Variants in GLRA1 observed in about 807,000 individuals in gnomAD.
GLRA1 encodes glycine receptor subunit alpha-1.
In GLRA1, 37 loss-of-function variants were observed where a neutral mutation model predicts 48.3. The observed-to-expected ratio is 0.77, with a 90% CI of 0.59 to 1.01. GLRA1 has a LOEUF of 1.01. GLRA1 is among the 50% of genes least tolerant of loss of function. GLRA1 has a pLI of 0.00. For synonymous variants in GLRA1, 196 were observed against 210.7 expected (o/e 0.93, Z 0.60); for missense variants, 427 against 571.0 (o/e 0.75, Z 2.57).
chr5:151,854,384 G>A (rs1416996202), intron 6 of GLRA1, among the ~76,000 whole-genome samples: 2 of 152,076 alleles, frequency 1.3e-5, no homozygotes, highest in Admixed American at 1.3e-4. Context: ...TGTGCATCTG[G>A]GTTCAGACCC....
At chr5:151,835,672 A>T (rs1763558330) in intron 7 of GLRA1, among the ~76,000 whole-genome samples, 3 of 152,226 alleles carry the variant, frequency 2.0e-5, no homozygotes, top group African/African-American at 7.2e-5. Flanking sequence ...AAATCAATAG[A>T]CATAATCCAT....
chr5:151,845,075 A>G (rs2091422272), intron 7 of GLRA1, among the ~76,000 whole-genome samples: 1 of 152,204 alleles, frequency 6.6e-6, no homozygotes, highest in Admixed American at 6.5e-5. Flanking sequence ...TATGCAGAAC[A>G]TGCAGGTTTG....
In GLRA1 at chr5:151,824,073, G is replaced by A. The variant is rs146407205; in HGVS notation, c.1060-1110C>T. 2.8e-4 allele frequency among the ~76,000 whole-genome samples: 42 copies of A among 150,740 alleles called. No individual in the cohort carries two copies. In the East Asian group the frequency reaches 4.5e-3, roughly 16 times the overall value. ...CCGTCTTCTGCTTGTTCCTGTGCAG[G>A]ACCGGGCCAACAGAGAAAAACTCAG... is the stretch of plus-strand genomic sequence containing the variant. On this transcript the variant is annotated intron_variant, in intron 8 of 8. Transcript: ENST00000274576.
intron 7 of GLRA1, among the ~76,000 whole-genome samples, chr5:151,835,014 C>T (rs1209300312): frequency 7.5e-5 from 8 of 106,238 alleles, no homozygotes; most frequent in Admixed American, 1.5e-4. Context: ...GGCGACAGAG[C>T]GAGACAACAT....
At chr5:151,826,897 A>T (rs181946024) in intron 8 of GLRA1, among the ~76,000 whole-genome samples, 1 of 152,334 alleles carries the variant, frequency 6.6e-6, no homozygotes, top group East Asian at 1.9e-4. Flanking sequence ...CTTGGACATG[A>T]TCTTTTCAAA....
intron 3 of GLRA1, among the ~76,000 whole-genome samples, chr5:151,873,269 G>A (rs996990970): frequency 2.0e-5 from 3 of 149,420 alleles, no homozygotes; most frequent in Non-Finnish European, 4.4e-5. Flanking sequence ...GGGAGGCAGA[G>A]GTTGAGAGAG....
chr5:151,825,479 CAT>C (rs916716362), intron 8 of GLRA1, among the ~76,000 whole-genome samples: 5 of 152,052 alleles, frequency 3.3e-5, no homozygotes, highest in Non-Finnish European at 7.4e-5. Flanking sequence ...TTATCAATTT[CAT>C]ATTGTGTCTG....
intron 7 of GLRA1, among the ~76,000 whole-genome samples, chr5:151,832,319 T>G (rs1313587098): frequency 1.3e-5 from 2 of 152,116 alleles, no homozygotes; most frequent in African/African-American, 4.8e-5. Context: ...TTGACAGAAG[T>G]AGGCTTCAGA....
chr5:151,850,420 G>A, intron 7 of GLRA1: 1 of 1,202,156 alleles, frequency 8.3e-7, no homozygotes, highest in Non-Finnish European at 1.2e-6. Flanking sequence ...AACAGGAAGT[G>A]TTCAGGCTGC....
At chr5:151,901,236 C>G (rs1177187020) in intron 1 of GLRA1, among the ~76,000 whole-genome samples, 1 of 152,176 alleles carries the variant, frequency 6.6e-6, no homozygotes, top group Admixed American at 6.5e-5. Flanking sequence ...AATGCTACCA[C>G]AACCATCTCA....
intron 2 of GLRA1, 92 bp downstream of exon 2, chr5:151,892,219 C>T (rs754629544): frequency 3.1e-5 from 36 of 1,150,376 alleles, no homozygotes; most frequent in South Asian, 7.4e-5. Flanking sequence ...ATTCACACTG[C>T]GTATTTACCA....
chr5:151,826,123 G>T (rs1405708668), intron 8 of GLRA1, among the ~76,000 whole-genome samples: 1 of 152,158 alleles, frequency 6.6e-6, no homozygotes, highest in Admixed American at 6.6e-5. Flanking sequence ...AATATCCCTG[G>T]TTAGAAGGGA....
At chr5:151,912,078 C>T (rs1754627269) in intron 1 of GLRA1, among the ~76,000 whole-genome samples, 1 of 152,172 alleles carries the variant, frequency 6.6e-6, no homozygotes, top group African/African-American at 2.4e-5. Context: ...GAAGGAAAAT[C>T]TTGCTCTAAT....
chr5:151,837,861 A>T (rs1267841742), intron 7 of GLRA1, among the ~76,000 whole-genome samples: 1 of 152,192 alleles, frequency 6.6e-6, no homozygotes, highest in South Asian at 2.1e-4. Flanking sequence ...CCTAACGTAG[A>T]TGATGGGTTG....
intron 1 of GLRA1, among the ~76,000 whole-genome samples, chr5:151,920,606 A>G (rs932981373): frequency 3.9e-5 from 6 of 152,120 alleles, no homozygotes; most frequent in Non-Finnish European, 8.8e-5. Flanking sequence ...CCTAAGCCCA[A>G]AAAGGGAGTA....
chr5:151,825,097 C>T (rs2915890), intron 8 of GLRA1, among the ~76,000 whole-genome samples: 61,990 of 151,898 alleles, frequency 0.41, 12,737 homozygotes, highest in South Asian at 0.46. Context: ...GAGGATGTGC[C>T]ACCTACAGTG....
chr5:151,861,769 C>T (rs1020950938), intron 3 of GLRA1, among the ~76,000 whole-genome samples: 2 of 152,026 alleles, frequency 1.3e-5, no homozygotes, highest in African/African-American at 4.8e-5. Context: ...CACTGCTCAA[C>T]GAAATAAAAG....
chr5:151,828,463 T>G (rs1308173559), intron 8 of GLRA1, among the ~76,000 whole-genome samples: 1 of 152,204 alleles, frequency 6.6e-6, no homozygotes, highest in Non-Finnish European at 1.5e-5. Context: ...TCTTGCTTGT[T>G]GCCTCTTTCC....
intron 1 of GLRA1, among the ~76,000 whole-genome samples, chr5:151,916,897 A>G (rs905085542): frequency 2.0e-5 from 3 of 152,154 alleles, no homozygotes; most frequent in African/African-American, 7.2e-5. Flanking sequence ...GGATAGGGAT[A>G]GCTCCCTGAA....
Sources: gnomAD v4.1 joint callset for allele counts (sites outside exome capture counted in the v4.1 genomes callset) on GRCh38, gnomAD v4.1.1 for gene constraint, MANE v1.5 for transcripts, NCBI Gene and HGNC (gene_info 2026-07-23, HGNC 2026-07-21) for gene names.